Variants in DDR2 observed in about 807,000 individuals in gnomAD.
DDR2 encodes the protein discoidin domain-containing receptor 2.
Under a neutral mutation model 94.9 loss-of-function variants are expected in DDR2, and 27 were observed. That is an observed-to-expected ratio of 0.28 (90% CI 0.21 to 0.39). The LOEUF (loss-of-function observed/expected upper bound fraction) is 0.39. DDR2 is among the 10% of genes least tolerant of loss of function. The probability of loss-of-function intolerance (pLI) is 1.00; values close to 1 mark genes in which losing one functional copy is unlikely to be tolerated. For missense variants in DDR2, 783 were observed against 1,076.0 expected (o/e 0.73, Z 3.81); for synonymous variants, 382 against 377.2 (o/e 1.01, Z -0.15).
intron 2 of DDR2, among the ~76,000 whole-genome samples, chr1:162,695,090 G>C (rs190549209): frequency 2.6e-4 from 40 of 152,184 alleles, no homozygotes; most frequent in Non-Finnish European, 4.9e-4. Flanking sequence ...AAAAAATTTT[G>C]AATTCAACTT....
At chr1:162,646,382 T>C (rs1180018975) in intron 1 of DDR2, among the ~76,000 whole-genome samples, 1 of 152,208 alleles carries the variant, frequency 6.6e-6, no homozygotes, top group Non-Finnish European at 1.5e-5. Flanking sequence ...TGTGAGGACT[T>C]CTGAGTAATG....
intron 3 of DDR2, among the ~76,000 whole-genome samples, chr1:162,737,132 T>C (rs1486117061): frequency 6.8e-6 from 1 of 147,058 alleles, no homozygotes. Context: ...ATTACAGTTT[T>C]ATTTTTTATT....
intron 2 of DDR2, among the ~76,000 whole-genome samples, chr1:162,699,932 C>T (rs1660354996): frequency 6.6e-6 from 1 of 152,208 alleles, no homozygotes; most frequent in Admixed American, 6.5e-5. Context: ...CTTCTATTGT[C>T]ACCTCTTCCT....
chr1:162,675,275 G>A (rs1028695799), intron 2 of DDR2, among the ~76,000 whole-genome samples: 2 of 152,198 alleles, frequency 1.3e-5, no homozygotes, highest in Admixed American at 6.5e-5. Flanking sequence ...AGATTACAGG[G>A]TAGCAGGGAT....
chr1:162,656,859 G>GTTTTT lies in DDR2; in HGVS notation c.-28+1487_-28+1488insTTTTT, dbSNP rs200020368. 2.8e-5 allele frequency among the ~76,000 whole-genome samples: 3 copies of GTTTTT among 107,206 alleles called. 1 individual carries two copies. The highest frequency in any genetic ancestry group is 5.6e-4 in the East Asian group (2 of 3,556). The allele number at this position is 107,206 out of a possible 152,430, so 70.3% of individuals were successfully genotyped here. ...TTTTTTTTTTTTTTTTATTTTTTTT[G>GTTTTT]TTAACAGGGTTTTGCTCTGTCACCC... On this transcript the variant is annotated intron_variant, in intron 2 of 17. Transcript: ENST00000367921.
At chr1:162,730,286 T>G (rs1661969067) in intron 3 of DDR2, among the ~76,000 whole-genome samples, 1 of 152,000 alleles carries the variant, frequency 6.6e-6, no homozygotes, top group African/African-American at 2.4e-5. Context: ...GGAGAGCCCA[T>G]CTCCTTGCAG....
chr1:162,711,676 A>T (rs1660922368), intron 2 of DDR2, among the ~76,000 whole-genome samples: 1 of 152,292 alleles, frequency 6.6e-6, no homozygotes, highest in East Asian at 1.9e-4. Flanking sequence ...TGGGGTGGAA[A>T]TGATGGAGGT....
At chr1:162,754,878 TCCTGGATG>T in intron 5 of DDR2, 23 bp downstream of exon 5, 1 of 1,608,098 alleles carries the variant, frequency 6.2e-7, no homozygotes. Context: ...GACATCCAGA[TCCTGGATG>T]TCCAAGACCA....
chr1:162,652,538 G>T (rs957071000), intron 1 of DDR2, among the ~76,000 whole-genome samples: 1 of 152,192 alleles, frequency 6.6e-6, no homozygotes, highest in Non-Finnish European at 1.5e-5. Flanking sequence ...GACCACTGGG[G>T]TTCCCTGAAA....
intron 9 of DDR2, among the ~76,000 whole-genome samples, chr1:162,765,266 C>T (rs927249860): frequency 3.3e-5 from 5 of 151,988 alleles, no homozygotes; most frequent in South Asian, 4.2e-4. Context: ...GCCTGACAGC[C>T]GAACTCCGAA....
At position 162,780,305 on chromosome 1, in the gene DDR2, T is replaced by C. The variant is rs1354200266; in HGVS notation, c.*59T>C. ...AGGTCCTCCCTACAAGACCTACCAC[T>C]CACCCATGCCTATGCCACTCCATCT... is the stretch of plus-strand genomic sequence containing the variant. On this transcript the variant is annotated 3_prime_UTR_variant, in exon 18 of 18. Transcript: ENST00000367921. 8.1e-6 allele frequency: 13 copies of C among 1,611,064 alleles called. No individual in the cohort carries two copies. In the Admixed American group the frequency reaches 1.2e-4, roughly 15 times the overall value.
chr1:162,720,790 T>C (rs933455707), intron 3 of DDR2, among the ~76,000 whole-genome samples: 4 of 152,194 alleles, frequency 2.6e-5, no homozygotes, highest in African/African-American at 9.6e-5. Context: ...AGTTGTTCCA[T>C]GCTATATTTT....
rs1363129979 is a variant in DDR2 at position 162,755,635 on chromosome 1, G to A, written c.566-29G>A. The stretch of plus-strand genomic sequence containing the variant: ...CTGAGGTAATGGGCCTGAGCAGTAG[G>A]CACTCACTTGGCTGTGTTTCCTTTG... On this transcript the variant is annotated intron_variant, in intron 6 of 17. Transcript: ENST00000367921. The A allele has an allele frequency of 3.4e-5, 55 of 1,597,380 alleles. No individual in the cohort carries two copies. The East Asian group carries it at 7.6e-4, about 22-fold the overall frequency.
At chr1:162,644,533 T>A (rs1657311241) in intron 1 of DDR2, among the ~76,000 whole-genome samples, 1 of 152,188 alleles carries the variant, frequency 6.6e-6, no homozygotes. Flanking sequence ...TGACACTTTC[T>A]TCTGAATACA....
At chr1:162,728,290 C>G (rs765186407) in intron 3 of DDR2, among the ~76,000 whole-genome samples, 29 of 148,968 alleles carry the variant, frequency 1.9e-4, no homozygotes, top group Admixed American at 2.7e-4. Flanking sequence ...CACATTTTAC[C>G]CAATCAGGTC....
At chr1:162,737,738 A>T (rs1194854476) in intron 3 of DDR2, among the ~76,000 whole-genome samples, 454 of 119,510 alleles carry the variant, frequency 3.8e-3, no homozygotes, top group African/African-American at 0.014. Context: ...CGCCACACTG[A>T]CTTCCACAAT....
intron 2 of DDR2, among the ~76,000 whole-genome samples, chr1:162,711,186 A>G (rs1660896903): frequency 6.6e-6 from 1 of 152,204 alleles, no homozygotes; most frequent in Non-Finnish European, 1.5e-5. Context: ...GGTATGTTGC[A>G]TCAATTTTGA....
At chr1:162,690,712 A>G (rs1057413938) in intron 2 of DDR2, among the ~76,000 whole-genome samples, 3 of 152,212 alleles carry the variant, frequency 2.0e-5, no homozygotes, top group African/African-American at 4.8e-5. Context: ...GTAAATAACC[A>G]TGACTAAAAA....
chr1:162,642,926 C>A (rs772244208), intron 1 of DDR2, among the ~76,000 whole-genome samples: 19 of 152,070 alleles, frequency 1.2e-4, no homozygotes, highest in Non-Finnish European at 2.5e-4. Flanking sequence ...TTTTCTAAGC[C>A]TTTTGCTTAG....
Sources: allele counts gnomAD v4.1 joint callset (sites outside exome capture counted in the v4.1 genomes callset), GRCh38; gene constraint gnomAD v4.1.1; transcripts MANE v1.5; gene names NCBI Gene and HGNC (gene_info 2026-07-23, HGNC 2026-07-21).